Variants in ARIH2 observed in about 807,000 individuals in gnomAD.
The protein encoded by ARIH2 is E3 ubiquitin-protein ligase ARIH2.
In ARIH2, 12 loss-of-function variants were observed where a neutral mutation model predicts 79.8. The ratio of observed to expected loss-of-function variants is 0.15; its 90% CI spans 0.10 to 0.24. The LOEUF (loss-of-function observed/expected upper bound fraction) is 0.24, where lower values mean the gene tolerates loss of function less well. ARIH2 is among the 10% of genes least tolerant of loss of function. ARIH2 has a pLI of 1.00. For missense variants in ARIH2, 301 were observed against 618.3 expected (o/e 0.49, Z 5.44); for synonymous variants, 224 against 213.9 (o/e 1.05, Z -0.41).
rs1483863307 is a variant in ARIH2 at position 48,979,650 on chromosome 3, G to A, written c.1113+17G>A. 3.7e-6 allele frequency: 6 copies of A among 1,613,028 alleles called. No homozygotes were observed. Among genetic ancestry groups the A allele is most frequent in the Admixed American group, 3.3e-5 (2 of 59,984 alleles). On this transcript the variant is annotated intron_variant, in intron 12 of 15. Coordinates refer to ENST00000356401, the MANE Select transcript of ARIH2 (RefSeq NM_006321.4). ...TTTGAGAGGGTAGGTGTCCTCTCCT[G>A]TACCTTCCCCTACAGGGTAGGCTTC...
At chr3:48,959,297 T>TA (rs1368593221) in intron 3 of ARIH2, among the ~76,000 whole-genome samples, 3 of 137,756 alleles carry the variant, frequency 2.2e-5, no homozygotes, top group Non-Finnish European at 4.6e-5. Context: ...GCCTGGGTAA[T>TA]ACAGCGAGAC....
At position 48,983,312 on chromosome 3, in the gene ARIH2, A is replaced by C. The variant is rs766636720; in HGVS notation, c.*42A>C. 1 of 1,599,208 alleles carries C rather than the reference A, an allele frequency of 6.3e-7. No homozygotes were observed. Among genetic ancestry groups the C allele is most frequent in the Admixed American group, 1.7e-5 (1 of 60,002 alleles). The stretch of plus-strand genomic sequence containing the variant: ...GCCGGGGTGAGGAAGATGTGGCTGC[A>C]AGGTCTCCCGGCTGCCATACTGCAT... On this transcript the variant is annotated 3_prime_UTR_variant, in exon 16 of 16. Coordinates refer to ENST00000356401, the MANE Select transcript of ARIH2 (RefSeq NM_006321.4).
At chr3:48,932,597 G>A (rs1376132250) in intron 3 of ARIH2, among the ~76,000 whole-genome samples, 1 of 152,136 alleles carries the variant, frequency 6.6e-6, no homozygotes, top group Non-Finnish European at 1.5e-5. Flanking sequence ...GATATTTGCT[G>A]ACAAGCTGCT....
At chr3:48,975,870 T>C (rs779469448) in intron 11 of ARIH2, among the ~76,000 whole-genome samples, 1 of 151,178 alleles carries the variant, frequency 6.6e-6, no homozygotes, top group Non-Finnish European at 1.5e-5. Flanking sequence ...ACCGAGAATT[T>C]TGCTTTGTAA....
In ARIH2 at chr3:48,961,598, TTTC is replaced by T; in HGVS notation, c.256-8_256-6del. ...TGCAGTTATAATTCGATTTTTTTTC[TTTC>T]TTCTTTCTAGGTATCTCATTCAGTT... On this transcript the variant is annotated splice_polypyrimidine_tract_variant and intron_variant, in intron 3 of 15. Coordinates refer to ENST00000356401, the MANE Select transcript of ARIH2 (RefSeq NM_006321.4). 6.5e-7 allele frequency: 1 copy of T among 1,548,154 alleles called. No homozygotes were observed. The highest frequency in any genetic ancestry group is 1.4e-5 in the African/African-American group (1 of 73,686).
intron 3 of ARIH2, among the ~76,000 whole-genome samples, chr3:48,953,130 A>G (rs1030485062): frequency 3.3e-5 from 5 of 151,966 alleles, no homozygotes; most frequent in African/African-American, 4.8e-5. Flanking sequence ...GGGTTTCACT[A>G]TGTTGGCCAG....
intron 3 of ARIH2, among the ~76,000 whole-genome samples, chr3:48,945,459 A>G (rs1453872293): frequency 6.6e-6 from 1 of 152,226 alleles, no homozygotes; most frequent in Non-Finnish European, 1.5e-5. Flanking sequence ...AACATGTACT[A>G]TCCAAGTGCT....
chr3:48,950,951 CTTTTT>C (rs748827327), intron 3 of ARIH2, among the ~76,000 whole-genome samples: 1 of 129,236 alleles, frequency 7.7e-6, no homozygotes, highest in African/African-American at 3.0e-5. Context: ...CTTTCTTCTT[CTTTTT>C]TTTTTTTTTT....
chr3:48,966,367 C>T (rs2091792323), intron 5 of ARIH2, among the ~76,000 whole-genome samples: 1 of 152,114 alleles, frequency 6.6e-6, no homozygotes, highest in Admixed American at 6.5e-5. Context: ...TGTAAGTGGA[C>T]TTTTCCATTG....
In ARIH2 at chr3:48,981,981, A is replaced by C. The variant is rs192802195; in HGVS notation, c.1326+253A>C. ...GTATTTAAAGGGCGATTGGCTAAAAAGGTCTGTGGCCAGTGGGAGGCCAGT... is the reference window on the plus strand; with the variant it reads ...GTATTTAAAGGGCGATTGGCTAAAACGGTCTGTGGCCAGTGGGAGGCCAGT... On this transcript the variant is annotated intron_variant, in intron 14 of 15. Coordinates refer to ENST00000356401, the MANE Select transcript of ARIH2 (RefSeq NM_006321.4). Among the ~76,000 whole-genome samples, 78 of 152,334 alleles carry C rather than the reference A, an allele frequency of 5.1e-4. 2 individuals carry two copies. Among genetic ancestry groups the C allele is most frequent in the African/African-American group, 1.8e-3 (74 of 41,586 alleles).
chr3:48,919,060 C>T (rs1275612061), intron 1 of ARIH2, 62 bp downstream of exon 1: 4 of 1,317,598 alleles, frequency 3.0e-6, no homozygotes, highest in East Asian at 3.0e-5. Context: ...GGGGCCTCTC[C>T]GCGCGCCTCC....
intron 9 of ARIH2, among the ~76,000 whole-genome samples, chr3:48,974,495 T>G (rs554209132): frequency 6.6e-5 from 10 of 152,324 alleles, no homozygotes; most frequent in East Asian, 1.9e-4. Flanking sequence ...CTCCTGTGCT[T>G]CTTTGGCAGT....
chr3:48,959,090 G>C (rs1364274115), intron 3 of ARIH2, among the ~76,000 whole-genome samples: 1 of 152,020 alleles, frequency 6.6e-6, no homozygotes. Context: ...GCCAAGGCGG[G>C]TGGATCACGA....
In ARIH2 at chr3:48,927,453, C is replaced by A; in HGVS notation, c.-97-9C>A. 1 of 1,379,210 alleles carries A rather than the reference C, an allele frequency of 7.3e-7. No individual in the cohort carries two copies. The highest frequency in any genetic ancestry group is 9.8e-7 in the Non-Finnish European group (1 of 1,016,002). 85.4% of individuals were successfully genotyped at this position (1,379,210 alleles called of 1,614,324 possible). The stretch of plus-strand genomic sequence containing the variant: ...AAAAGTAACACTTATTTTTTTTTTC[C>A]TCCCTTAGAAGACAAAAATACTAAT... On this transcript the variant is annotated splice_polypyrimidine_tract_variant and intron_variant, in intron 2 of 15. Transcript: ENST00000356401.
rs995434693 is a variant in ARIH2, at chr3:48,985,531, G to T, written c.*2261G>T. 1 of 152,212 alleles carries T rather than the reference G, an allele frequency of 6.6e-6. No homozygotes were observed. The highest frequency in any genetic ancestry group is 1.5e-5 in the Non-Finnish European group (1 of 68,040). 9.4% of individuals were successfully genotyped at this position (152,212 alleles called of 1,614,324 possible). A position where few individuals can be genotyped will look rare whatever the true frequency, so the allele number is the denominator to read the frequency against. On this transcript the variant is annotated 3_prime_UTR_variant, in exon 16 of 16. Transcript: ENST00000356401. ...TATTCACAATAAACTGTAAGTTTCT[G>T]ATTATAAAAATGTGTCTAGAGTCTT...
At chr3:48,931,079 A>G (rs147836806) in intron 3 of ARIH2, among the ~76,000 whole-genome samples, 92 of 152,198 alleles carry the variant, frequency 6.0e-4, no homozygotes, top group Middle Eastern at 6.8e-3. Flanking sequence ...CTTTTTAAAA[A>G]TTATTATTTA....
rs972176226 is a variant in ARIH2 at position 48,984,608 on chromosome 3, A to G, written c.*1338A>G. On this transcript the variant is annotated 3_prime_UTR_variant, in exon 16 of 16. Transcript: ENST00000356401. ...GAACCTGGTCCTGTGGGCCATTGAA[A>G]AGTTAGATCTGTGATCTCTGGGGTT... 1 of 152,194 alleles carries G rather than the reference A, an allele frequency of 6.6e-6. No homozygotes were observed. The highest frequency in any genetic ancestry group is 2.4e-5 in the African/African-American group (1 of 41,424). The allele number at this position is 152,194 out of a possible 1,614,324, so 9.4% of individuals were successfully genotyped here. A position where few individuals can be genotyped will look rare whatever the true frequency, so the allele number is the denominator to read the frequency against.
At chr3:48,959,569 C>A (rs2091013911) in intron 3 of ARIH2, among the ~76,000 whole-genome samples, 1 of 140,628 alleles carries the variant, frequency 7.1e-6, no homozygotes, top group Admixed American at 7.5e-5. Flanking sequence ...TTTGGGAGGC[C>A]GAGGCGGGCG....
intron 11 of ARIH2, among the ~76,000 whole-genome samples, chr3:48,975,385 G>A (rs2107650360): frequency 6.6e-6 from 1 of 152,250 alleles, no homozygotes. Context: ...GTTTCTAGTG[G>A]GGGTTTTGAT....
Sources: allele counts gnomAD v4.1 joint callset (sites outside exome capture counted in the v4.1 genomes callset), GRCh38; gene constraint gnomAD v4.1.1; transcripts MANE v1.5; gene names NCBI Gene and HGNC (gene_info 2026-07-23, HGNC 2026-07-21).